The following KCNAB1 variants were observed in gnomAD, a reference collection of about 807,000 sequenced individuals.
The protein encoded by KCNAB1 is potassium voltage-gated channel subfamily A regulatory beta subunit 1, also known as voltage-gated potassium channel subunit beta-1.
Under a neutral mutation model 64.6 loss-of-function variants are expected in KCNAB1, and 35 were observed. That is an observed-to-expected ratio of 0.54 (90% CI 0.41 to 0.72). The LOEUF (loss-of-function observed/expected upper bound fraction) is 0.72, where lower values mean the gene tolerates loss of function less well. KCNAB1 is among the 30% of genes least tolerant of loss of function. KCNAB1 has a pLI of 0.00. For synonymous variants in KCNAB1, 177 were observed against 183.8 expected (o/e 0.96, Z 0.30); for missense variants, 401 against 512.9 (o/e 0.78, Z 2.11).
chr3:156,285,876 G>A (rs907581844), intron 1 of KCNAB1, among the ~76,000 whole-genome samples: 33 of 152,212 alleles, frequency 2.2e-4, no homozygotes, highest in African/African-American at 6.5e-4. Context: ...AAAGTGTTAT[G>A]TAAATATCAG....
chr3:156,333,859 T>C (rs540190616), intron 1 of KCNAB1, among the ~76,000 whole-genome samples: 17 of 152,354 alleles, frequency 1.1e-4, no homozygotes, highest in African/African-American at 4.1e-4. Context: ...TTCACATATT[T>C]AAAATTCACT....
intron 1 of KCNAB1, among the ~76,000 whole-genome samples, chr3:156,196,339 T>C (rs1713939085): frequency 6.6e-6 from 1 of 152,230 alleles, no homozygotes; most frequent in South Asian, 2.1e-4. Flanking sequence ...TTTCAAGTTT[T>C]GTGAAGAAAG....
At chr3:156,493,109 C>G (rs1309449880) in intron 8 of KCNAB1, among the ~76,000 whole-genome samples, 1 of 152,014 alleles carries the variant, frequency 6.6e-6, no homozygotes, top group Non-Finnish European at 1.5e-5. Flanking sequence ...AGACACAGTC[C>G]TTAGGGTTTA....
At position 156,220,217 on chromosome 3, in the gene KCNAB1, A is replaced by G. The variant is rs1015553318; in HGVS notation, c.275+99331A>G. Among the ~76,000 whole-genome samples, 27 of 152,256 alleles carry G rather than the reference A, an allele frequency of 1.8e-4. No homozygotes were observed. In the East Asian group the frequency reaches 2.3e-3, roughly 13 times the overall value. Reference sequence around the variant, plus strand: ...CCATATAGTAGCATGATTTATAATCATTTGGGTATATGCACAGTAATGGGA... The same window carrying G: ...CCATATAGTAGCATGATTTATAATCGTTTGGGTATATGCACAGTAATGGGA... On this transcript the variant is annotated intron_variant, in intron 1 of 13. Transcript: ENST00000490337.
intron 1 of KCNAB1, chr3:156,292,205 A>C (rs1388655364): frequency 1.1e-5 from 17 of 1,515,786 alleles, no homozygotes; most frequent in Non-Finnish European, 1.5e-5. Flanking sequence ...ATCGGTTTTG[A>C]AAAGTGATTT....
intron 1 of KCNAB1, among the ~76,000 whole-genome samples, chr3:156,282,058 A>G: frequency 6.6e-6 from 1 of 150,956 alleles, no homozygotes; most frequent in East Asian, 1.9e-4. Flanking sequence ...TTGTGATGTT[A>G]GGGTATCAAT....
intron 1 of KCNAB1, among the ~76,000 whole-genome samples, chr3:156,148,301 C>G (rs913306413): frequency 2.0e-5 from 3 of 152,104 alleles, no homozygotes; most frequent in African/African-American, 7.2e-5. Context: ...ATCTTATTGT[C>G]AAAATTGTGC....
At chr3:156,342,067 C>T (rs1724153764) in intron 1 of KCNAB1, among the ~76,000 whole-genome samples, 1 of 152,206 alleles carries the variant, frequency 6.6e-6, no homozygotes, top group Non-Finnish European at 1.5e-5. Context: ...TGAGCTTGTG[C>T]TACCTTCGGC....
At chr3:156,402,536 G>T (rs187158972) in intron 1 of KCNAB1, among the ~76,000 whole-genome samples, 56 of 152,238 alleles carry the variant, frequency 3.7e-4, no homozygotes, top group African/African-American at 1.3e-3. Flanking sequence ...AAATCTAGAG[G>T]TTTCCTTTCT....
upstream of KCNAB1, among the ~76,000 whole-genome samples, chr3:156,120,037 C>T (rs1181786418): frequency 3.9e-5 from 6 of 152,082 alleles, no homozygotes; most frequent in South Asian, 2.1e-4. Flanking sequence ...GCCTGACATA[C>T]GTTATGTGGT....
chr3:156,305,179 A>G (rs1721410877), intron 1 of KCNAB1, among the ~76,000 whole-genome samples: 1 of 152,210 alleles, frequency 6.6e-6, no homozygotes. Context: ...CTATCCATTA[A>G]AATTGTCATT....
At chr3:156,370,594 A>AATC (rs1183771458) in intron 1 of KCNAB1, among the ~76,000 whole-genome samples, 9 of 152,228 alleles carry the variant, frequency 5.9e-5, no homozygotes, top group African/African-American at 2.2e-4. Flanking sequence ...TATGAGACTG[A>AATC]ATCAGGTCAC....
At chr3:156,385,651 A>C (rs2108157072) in intron 1 of KCNAB1, among the ~76,000 whole-genome samples, 1 of 152,302 alleles carries the variant, frequency 6.6e-6, no homozygotes, top group East Asian at 1.9e-4. Context: ...TTTAAGTAAA[A>C]CCAGAAAAGG....
intron 1 of KCNAB1, among the ~76,000 whole-genome samples, chr3:156,180,199 T>C (rs922408113): frequency 2.0e-5 from 3 of 152,238 alleles, no homozygotes; most frequent in Non-Finnish European, 4.4e-5. Flanking sequence ...ATGCCAATCC[T>C]ATAAAGTAGT....
chr3:156,206,059 A>G (rs1274045822), intron 1 of KCNAB1, among the ~76,000 whole-genome samples: 1 of 152,186 alleles, frequency 6.6e-6, no homozygotes, highest in African/African-American at 2.4e-5. Context: ...AATCAGGTAA[A>G]ACATCACCAA....
At chr3:156,200,628 C>T (rs1414862849) in intron 1 of KCNAB1, among the ~76,000 whole-genome samples, 1 of 152,206 alleles carries the variant, frequency 6.6e-6, no homozygotes, top group Non-Finnish European at 1.5e-5. Flanking sequence ...AAACCGCCTA[C>T]TGAAGCCTCA....
At chr3:156,269,940 A>G (rs1473106874) in intron 1 of KCNAB1, among the ~76,000 whole-genome samples, 7 of 138,266 alleles carry the variant, frequency 5.1e-5, no homozygotes, top group African/African-American at 8.4e-5. Context: ...TTTTGAGACA[A>G]TGTCTCACTC....
intron 1 of KCNAB1, among the ~76,000 whole-genome samples, chr3:156,202,921 A>G (rs1403170119): frequency 3.3e-5 from 5 of 149,528 alleles, no homozygotes; most frequent in Non-Finnish European, 7.4e-5. Flanking sequence ...GTAGTCTTTT[A>G]CTTGCTATAA....
intron 1 of KCNAB1, among the ~76,000 whole-genome samples, chr3:156,371,755 G>A (rs1009233115): frequency 7.2e-5 from 11 of 151,924 alleles, no homozygotes; most frequent in Non-Finnish European, 1.3e-4. Flanking sequence ...AAAAATACTC[G>A]GTATAGCCAA....
Sources: gnomAD v4.1 joint callset for allele counts (sites outside exome capture counted in the v4.1 genomes callset) on GRCh38, gnomAD v4.1.1 for gene constraint, MANE v1.5 for transcripts, NCBI Gene and HGNC (gene_info 2026-07-23, HGNC 2026-07-21) for gene names.